The following WRN variants were observed in gnomAD, a reference collection of about 807,000 sequenced individuals.
The protein encoded by WRN is bifunctional 3'-5' exonuclease/ATP-dependent helicase WRN.
Under a neutral mutation model 180.7 loss-of-function variants are expected in WRN, and 149 were observed. The ratio of observed to expected loss-of-function variants is 0.82; its 90% CI spans 0.72 to 0.94. The LOEUF (loss-of-function observed/expected upper bound fraction) is 0.94, where lower values mean the gene tolerates loss of function less well. Ranked by LOEUF, WRN falls within the 40% of genes least tolerant of loss-of-function variation. The pLI is 0.00. For synonymous variants in WRN, 548 were observed against 568.9 expected, an observed-to-expected ratio of 0.96 and a Z score of 0.52; for missense variants, 1,661 against 1,700.1, an observed-to-expected ratio of 0.98 and a Z score of 0.40.
intron 33 of WRN, among the ~76,000 whole-genome samples, chr8:31,160,751 G>A (rs536692134): frequency 1.5e-4 from 23 of 152,290 alleles, no homozygotes; most frequent in Non-Finnish European, 2.9e-4. Flanking sequence ...TTGGGAGGCC[G>A]AGGCGGGCAG....
In WRN at chr8:31,111,812, T is replaced by C; in HGVS notation, c.2273+13T>C. The C allele has an allele frequency of 1.2e-6, 2 of 1,613,408 alleles. No individual in the cohort carries two copies. Among genetic ancestry groups the C allele is most frequent in the East Asian group, 4.5e-5 (2 of 44,844 alleles). On this transcript the variant is annotated intron_variant, in intron 19 of 34. Coordinates refer to ENST00000298139, the MANE Select transcript of WRN (RefSeq NM_000553.6). Reference sequence around the variant, plus strand: ...TTGTCAAAACAAGGTAAGGATTTAATGGTTGATGAATTTTGGTAATGATTT... The same window carrying C: ...TTGTCAAAACAAGGTAAGGATTTAACGGTTGATGAATTTTGGTAATGATTT...
At chr8:31,090,061 T>C (rs1286721330) in intron 13 of WRN, among the ~76,000 whole-genome samples, 1 of 151,856 alleles carries the variant, frequency 6.6e-6, no homozygotes, top group Non-Finnish European at 1.5e-5. Flanking sequence ...TAAATATACA[T>C]GTGCATACCC....
At chr8:31,154,347 CT>C (rs1434013089) in intron 31 of WRN, among the ~76,000 whole-genome samples, 1 of 151,844 alleles carries the variant, frequency 6.6e-6, no homozygotes, top group African/African-American at 2.4e-5. Context: ...ATTATAGTTC[CT>C]TTTTTTAGTC....
At chr8:31,089,160 T>G (rs562880425) in intron 13 of WRN, among the ~76,000 whole-genome samples, 195 bp downstream of exon 13, 1 of 152,250 alleles carries the variant, frequency 6.6e-6, no homozygotes, top group Non-Finnish European at 1.5e-5. Context: ...CAAATTGTTT[T>G]TATAAGTGAG....
At chr8:31,082,938 T>A (rs1483373300) in intron 9 of WRN, among the ~76,000 whole-genome samples, 2 of 152,206 alleles carry the variant, frequency 1.3e-5, no homozygotes, top group South Asian at 2.1e-4. Flanking sequence ...AAAGAACTTT[T>A]AAAAAATAAA....
chr8:31,042,823 A>G (rs1811709028), intron 1 of WRN, among the ~76,000 whole-genome samples: 1 of 152,208 alleles, frequency 6.6e-6, no homozygotes, highest in African/African-American at 2.4e-5. Context: ...CATATCCACA[A>G]GGGTATTCAT....
intron 31 of WRN, among the ~76,000 whole-genome samples, chr8:31,153,286 C>A (rs912859988): frequency 5.9e-5 from 9 of 152,278 alleles, no homozygotes; most frequent in African/African-American, 2.2e-4. Flanking sequence ...TGTAACAAGA[C>A]ACATTAGACT....
At chr8:31,139,999 CTTTGTTTTTTTT>C (rs1802549253) in intron 24 of WRN, among the ~76,000 whole-genome samples, 1 of 74,704 alleles carries the variant, frequency 1.3e-5, no homozygotes, top group African/African-American at 5.3e-5. Context: ...TTGTATACTT[CTTTGTTTTTTTT>C]TTTTTTTTTT....
At chr8:31,152,304 C>A (rs1037923638) in intron 31 of WRN, among the ~76,000 whole-genome samples, 4 of 151,072 alleles carry the variant, frequency 2.6e-5, no homozygotes, top group African/African-American at 9.7e-5. Context: ...GCACTCCAGC[C>A]TGGGCGACAG....
At chr8:31,150,320 T>C (rs1803068936) in intron 30 of WRN, 21 bp from the exon 31 acceptor site, 9 of 1,583,026 alleles carry the variant, frequency 5.7e-6, no homozygotes, top group Non-Finnish European at 7.8e-6. Context: ...TTGTTGTTGT[T>C]GTTGTTGTTG....
chr8:31,060,796 G>A (rs906418952), intron 3 of WRN, among the ~76,000 whole-genome samples: 3 of 152,196 alleles, frequency 2.0e-5, no homozygotes, highest in Non-Finnish European at 4.4e-5. Flanking sequence ...ATTAGCACAA[G>A]TGACTTGAAG....
intron 1 of WRN, among the ~76,000 whole-genome samples, chr8:31,037,901 ATGT>A (rs1563316253): frequency 6.6e-6 from 1 of 152,184 alleles, no homozygotes; most frequent in Non-Finnish European, 1.5e-5. Flanking sequence ...AGGTTCACCC[ATGT>A]TGTGGCATGT....
intron 10 of WRN, among the ~76,000 whole-genome samples, chr8:31,084,936 C>A (rs1813465724): frequency 6.6e-6 from 1 of 152,046 alleles, no homozygotes; most frequent in South Asian, 2.1e-4. Flanking sequence ...GTCTCTTTAT[C>A]TAACTTTGTA....
chr8:31,090,416 G>T, intron 13 of WRN, 49 bp from the exon 14 acceptor site: 1 of 1,530,810 alleles, frequency 6.5e-7, no homozygotes, highest in Non-Finnish European at 9.0e-7. Flanking sequence ...TTTGTACCTT[G>T]GGTTTCTTAT....
chr8:31,149,947 T>C (rs1803050105), intron 30 of WRN, among the ~76,000 whole-genome samples: 2 of 152,198 alleles, frequency 1.3e-5, no homozygotes, highest in African/African-American at 4.8e-5. Context: ...AAATAATGAA[T>C]GAGACTTTCT....
At chr8:31,088,777 C>A in intron 12 of WRN, 113 bp from the exon 13 acceptor site, 1 of 863,136 alleles carries the variant, frequency 1.2e-6, no homozygotes, top group Non-Finnish European at 1.9e-6. Context: ...AAACATTAAC[C>A]CATGGTAGCT....
chr8:31,120,342 C>G lies in WRN; in HGVS notation c.2548C>G (p.Gln850Glu). The G allele has an allele frequency of 6.2e-7, 1 of 1,612,924 alleles. No individual in the cohort carries two copies. Among genetic ancestry groups the G allele is most frequent in the Non-Finnish European group, 8.5e-7 (1 of 1,179,148 alleles). Residue 850 changes from glutamine (Q) to glutamate (E), a missense_variant, in exon 21 of 35, where the codon CAG (glutamine) becomes GAG (glutamate). Coordinates refer to ENST00000298139, the MANE Select transcript of WRN (RefSeq NM_000553.6). ...GAPKDMESYY[Q>E]EIGRAGRDGL... ...TCCTAAGGACATGGAATCATATTAT[C>G]AGGAGATTGGTAGAGCTGGTCGTGA...
rs146197312 is a variant in WRN at position 31,080,879 on chromosome 8, A to G, written c.852A>G (p.Leu284=). ...KLENPRRVSI[L]LKDISENLYS... ...ATTTTTTTTTTAGGGTTTCTATCTT[A>G]CTAAAGGATATTTCAGAAAATCTAT... The change falls in exon 9 of 35, where the codon TTA becomes TTG. Residue 284 remains leucine (L), a synonymous_variant. Coordinates refer to ENST00000298139, the MANE Select transcript of WRN (RefSeq NM_000553.6). The G allele has an allele frequency of 3.7e-6, 6 of 1,606,590 alleles. No homozygotes were observed. The highest frequency in any genetic ancestry group is 5.1e-6 in the Non-Finnish European group (6 of 1,177,714).
intron 21 of WRN, among the ~76,000 whole-genome samples, chr8:31,122,812 CA>C (rs1437276821): frequency 7.1e-6 from 1 of 141,170 alleles, no homozygotes; most frequent in Non-Finnish European, 1.5e-5. Flanking sequence ...GAACCAAATA[CA>C]AGGAAGGAAG....
Sources: allele counts gnomAD v4.1 joint callset (sites outside exome capture counted in the v4.1 genomes callset), GRCh38; gene constraint gnomAD v4.1.1; transcripts MANE v1.5; gene names NCBI Gene and HGNC (gene_info 2026-07-23, HGNC 2026-07-21).